Variants in STARD13 observed in about 807,000 individuals in gnomAD.
STARD13 encodes the protein stAR-related lipid transfer protein 13.
In STARD13, 62 loss-of-function variants were observed where a neutral mutation model predicts 106.4. The observed-to-expected ratio is 0.58, with a 90% CI of 0.48 to 0.72. The LOEUF is 0.72. Ranked by LOEUF, STARD13 falls within the 30% of genes least tolerant of loss-of-function variation. The pLI is 0.00. For missense variants in STARD13, 1,387 were observed against 1,424.0 expected, an observed-to-expected ratio of 0.97 and a Z score of 0.42; for synonymous variants, 565 against 553.0, an observed-to-expected ratio of 1.02 and a Z score of -0.31.
At chr13:33,608,245 T>C in the STARD13 span, among the ~76,000 whole-genome samples, 1 of 152,190 alleles carries the variant, frequency 6.6e-6, no homozygotes, top group East Asian at 1.9e-4. Context: ...GAAGAACTTA[T>C]TGAGAGATGC....
the STARD13 span, among the ~76,000 whole-genome samples, chr13:33,459,638 T>C: frequency 6.6e-6 from 1 of 152,302 alleles, no homozygotes; most frequent in South Asian, 2.1e-4. Flanking sequence ...GTATGATAGG[T>C]GTGTTTACTT....
chr13:33,281,021 C>T (rs1891750960), intron 1 of STARD13: 2 of 152,138 alleles, frequency 1.3e-5, no homozygotes, highest in Admixed American at 6.6e-5. Context: ...GCTCTGTTGC[C>T]TTTTTAGGTT....
intron 4 of STARD13, among the ~76,000 whole-genome samples, chr13:33,140,977 C>T (rs1879750626): frequency 6.6e-6 from 1 of 152,126 alleles, no homozygotes; most frequent in Admixed American, 6.5e-5. Context: ...AGGCTGGTCT[C>T]TAACTCCTGA....
intron 1 of STARD13, among the ~76,000 whole-genome samples, chr13:33,270,817 G>C (rs1447859903): frequency 3.3e-5 from 5 of 152,252 alleles, no homozygotes; most frequent in Middle Eastern, 6.8e-3. Flanking sequence ...CATAGTTTAG[G>C]CTGCTTATAA....
chr13:33,256,451 C>G (rs186195583), intron 1 of STARD13, among the ~76,000 whole-genome samples: 26 of 152,346 alleles, frequency 1.7e-4, no homozygotes, highest in Admixed American at 1.5e-3. Context: ...ATTATTTACT[C>G]CTGTTCCTTC....
At chr13:33,499,511 C>CTTCTTCTTCTTCTTCTTCT in the STARD13 span, among the ~76,000 whole-genome samples, 2 of 69,146 alleles carry the variant, frequency 2.9e-5, 1 homozygote, top group Non-Finnish European at 5.6e-5. Flanking sequence ...TCTTCTTCTT[C>CTTCTTCTTCTTCTTCTTCT]TTCTTTCTTT....
chr13:33,436,777 T>C, the STARD13 span, among the ~76,000 whole-genome samples: 1,181 of 152,310 alleles, frequency 7.8e-3, 15 homozygotes, highest in African/African-American at 0.027. Flanking sequence ...AACCACCTTA[T>C]TGTGCCTGTG....
intron 1 of STARD13, among the ~76,000 whole-genome samples, chr13:33,340,373 ATTTTCT>A (rs148461956): frequency 0.033 from 5,071 of 152,186 alleles, 286 homozygotes; most frequent in African/African-American, 0.11. Flanking sequence ...TGTTCAGCTA[ATTTTCT>A]TTATCTTTTG....
chr13:33,432,896 ACGC>A, the STARD13 span, among the ~76,000 whole-genome samples: 1 of 152,214 alleles, frequency 6.6e-6, no homozygotes, highest in Non-Finnish European at 1.5e-5. Flanking sequence ...AAATGAAATA[ACGC>A]TTTATTTTCA....
chr13:33,627,499 C>T, the STARD13 span, among the ~76,000 whole-genome samples: 2 of 151,868 alleles, frequency 1.3e-5, no homozygotes, highest in African/African-American at 2.4e-5. Flanking sequence ...TGGCCGAGTG[C>T]GGTGGCGGGC....
chr13:33,160,107 T>C (rs1041099653), intron 3 of STARD13, among the ~76,000 whole-genome samples: 3 of 152,156 alleles, frequency 2.0e-5, no homozygotes, highest in Non-Finnish European at 2.9e-5. Context: ...CAGTGTCACA[T>C]TGATGAAAGA....
the STARD13 span, among the ~76,000 whole-genome samples, chr13:33,376,358 T>A: frequency 6.6e-6 from 1 of 152,334 alleles, no homozygotes; most frequent in Non-Finnish European, 1.5e-5. Context: ...CTGTAGTTTA[T>A]GACTTAGTGG....
chr13:33,429,423 C>T, the STARD13 span, among the ~76,000 whole-genome samples: 3 of 151,876 alleles, frequency 2.0e-5, no homozygotes, highest in South Asian at 2.1e-4. Context: ...GGTGAAACCC[C>T]GGTTCTACTA....
chr13:33,581,535 CT>C, the STARD13 span, among the ~76,000 whole-genome samples: 1 of 152,124 alleles, frequency 6.6e-6, no homozygotes, highest in Non-Finnish European at 1.5e-5. Context: ...CATTGTAAAA[CT>C]GGTGTTTCAA....
the STARD13 span, among the ~76,000 whole-genome samples, chr13:33,402,636 C>A: frequency 1.3e-5 from 2 of 152,268 alleles, no homozygotes; most frequent in Admixed American, 6.5e-5. Flanking sequence ...CCATATAAAT[C>A]CCAAACCCCA....
chr13:33,217,481 C>T (rs1216666993), intron 1 of STARD13, among the ~76,000 whole-genome samples: 1 of 152,166 alleles, frequency 6.6e-6, no homozygotes, highest in Non-Finnish European at 1.5e-5. Context: ...ATTTCATGGG[C>T]AGGAAGCCAG....
At chr13:33,204,869 T>G (rs1887303076) in intron 1 of STARD13, among the ~76,000 whole-genome samples, 1 of 152,234 alleles carries the variant, frequency 6.6e-6, no homozygotes, top group Non-Finnish European at 1.5e-5. Context: ...TTTGGCGAGT[T>G]TACAGCCAGC....
chr13:33,163,602 A>ATATATATATATATATATATAT (rs1566038391), intron 3 of STARD13, among the ~76,000 whole-genome samples: 116 of 89,542 alleles, frequency 1.3e-3, no homozygotes, highest in Middle Eastern at 5.0e-3. Flanking sequence ...AAAAAAAAAA[A>ATATATATATATATATATATAT]AAAATATATA....
At chr13:33,401,441 C>A in the STARD13 span, among the ~76,000 whole-genome samples, 1 of 152,166 alleles carries the variant, frequency 6.6e-6, no homozygotes, top group South Asian at 2.1e-4. Context: ...TCCCAACAGC[C>A]GCTTGTAGAC....
Sources: allele counts gnomAD v4.1 joint callset (sites outside exome capture counted in the v4.1 genomes callset), GRCh38; gene constraint gnomAD v4.1.1; transcripts MANE v1.5; gene names NCBI Gene and HGNC (gene_info 2026-07-23, HGNC 2026-07-21).